Variants in CLPB observed in about 807,000 individuals in gnomAD.
The protein encoded by CLPB is mitochondrial disaggregase.
A neutral mutation model predicts 78.4 loss-of-function variants in CLPB; 40 were observed. The ratio of observed to expected loss-of-function variants is 0.51; its 90% CI spans 0.40 to 0.66. The LOEUF is 0.66. CLPB is among the 30% of genes least tolerant of loss of function. The pLI, the probability that CLPB is intolerant of heterozygous loss-of-function variation, is 0.00. For synonymous variants in CLPB, 333 were observed against 348.0 expected (o/e 0.96, Z 0.48); for missense variants, 780 against 886.9 (o/e 0.88, Z 1.53).
chr11:72,430,210 TTAGGG>T, intron 2 of CLPB, 97 bp downstream of exon 2: 1 of 1,108,580 alleles, frequency 9.0e-7, no homozygotes, highest in Non-Finnish European at 1.3e-6. Flanking sequence ...AGTTCCCAGC[TTAGGG>T]TAAGGATTTC....
chr11:72,361,229 A>G (rs1178410210), intron 4 of CLPB, among the ~76,000 whole-genome samples: 1 of 152,234 alleles, frequency 6.6e-6, no homozygotes, highest in Non-Finnish European at 1.5e-5. Flanking sequence ...TCAATGGTCA[A>G]TGAGCCTTCT....
intron 2 of CLPB, among the ~76,000 whole-genome samples, chr11:72,429,751 A>C (rs189429605): frequency 6.6e-6 from 1 of 152,246 alleles, no homozygotes; most frequent in Non-Finnish European, 1.5e-5. Flanking sequence ...CTTGCCAAAT[A>C]ATAAGCCTCA....
At chr11:72,392,528 T>C (rs1489386688) in intron 3 of CLPB, among the ~76,000 whole-genome samples, 2 of 152,134 alleles carry the variant, frequency 1.3e-5, no homozygotes, top group Non-Finnish European at 2.9e-5. Context: ...GGAAATGAAT[T>C]AAAGATTGGG....
chr11:72,330,512 C>A (rs1950205252), intron 5 of CLPB, among the ~76,000 whole-genome samples: 1 of 152,234 alleles, frequency 6.6e-6, no homozygotes, highest in Non-Finnish European at 1.5e-5. Context: ...GCTGACAAGC[C>A]TGTATCAAGT....
In CLPB at chr11:72,288,674, A is replaced by T. The variant is rs1386162925; in HGVS notation, c.*4693T>A. 1.3e-5 allele frequency: 2 copies of T among 152,296 alleles called. No individual in the cohort carries two copies. Among genetic ancestry groups the T allele is most frequent in the East Asian group, 3.9e-4 (2 of 5,182 alleles). 9.4% of individuals were successfully genotyped at this position (152,296 alleles called of 1,614,324 possible). On this transcript the variant is annotated 3_prime_UTR_variant, in exon 16 of 16. Coordinates refer to ENST00000538039, the MANE Select transcript of CLPB (RefSeq NM_001258392.3). ...AGGTCCCATCCACTCACCCAAGTAT[A>T]ATAATAAAGGAACATCTGTCATATG...
At chr11:72,354,440 T>G (rs1950669964) in intron 5 of CLPB, 1 of 398,110 alleles carries the variant, frequency 2.5e-6, no homozygotes, top group South Asian at 1.3e-4. Flanking sequence ...GGAAGATGGA[T>G]CTGCCGGTGG....
chr11:72,360,715 G>A (rs1950823145), intron 4 of CLPB, among the ~76,000 whole-genome samples: 1 of 152,130 alleles, frequency 6.6e-6, no homozygotes, highest in African/African-American at 2.4e-5. Flanking sequence ...GGGATTACAG[G>A]CGTGAGCCAC....
chr11:72,406,268 A>G (rs565083641), intron 2 of CLPB, among the ~76,000 whole-genome samples: 5 of 152,238 alleles, frequency 3.3e-5, no homozygotes, highest in African/African-American at 1.2e-4. Context: ...CCAAGGGAAC[A>G]ATGACCCATG....
chr11:72,403,834 C>T (rs531956501), intron 2 of CLPB, among the ~76,000 whole-genome samples: 21 of 152,230 alleles, frequency 1.4e-4, no homozygotes, highest in African/African-American at 4.6e-4. Flanking sequence ...TGAATTTTTG[C>T]TCCCAGGACA....
chr11:72,409,638 A>G (rs909217733), intron 2 of CLPB, among the ~76,000 whole-genome samples: 8 of 152,052 alleles, frequency 5.3e-5, no homozygotes, highest in Non-Finnish European at 1.5e-5. Context: ...ACTCTCAGGC[A>G]GTAGAGTGGG....
intron 4 of CLPB, among the ~76,000 whole-genome samples, chr11:72,368,248 A>G (rs1271590687): frequency 6.6e-6 from 1 of 152,190 alleles, no homozygotes; most frequent in African/African-American, 2.4e-5. Context: ...ATACAACAGA[A>G]CAGTAAGAAA....
chr11:72,318,994 A>T (rs766591464), intron 6 of CLPB, among the ~76,000 whole-genome samples: 1 of 152,212 alleles, frequency 6.6e-6, no homozygotes, highest in Non-Finnish European at 1.5e-5. Context: ...GCTGACTTGC[A>T]GTCGGGCAGG....
At position 72,358,939 on chromosome 11, in the gene CLPB, G is replaced by A; in HGVS notation, c.716C>T (p.Ala239Val). 2 of 1,613,084 alleles carry A rather than the reference G, an allele frequency of 1.2e-6. No homozygotes were observed. The highest frequency in any genetic ancestry group is 2.2e-5 in the East Asian group (1 of 44,814). The change falls in exon 5 of 16, where the codon GCC becomes GTC. Residue 239 changes from alanine to valine, a missense_variant. By Grantham distance (64) the Ala-to-Val change is moderately conservative. Around this residue, in one of 3 missense-constraint regions of CLPB, gnomAD observed 417 missense variants for 414.7 expected, o/e 1.01. Transcript: ENST00000538039. Reference sequence around the variant, plus strand: ...ATCAGCAAGAACAGCATAGTGCAAGGCCGTGCAGCCCTTGAAACTGGCGCG... The same window carrying A: ...ATCAGCAAGAACAGCATAGTGCAAGACCGTGCAGCCCTTGAAACTGGCGCG... ...NNRASFKGCT[A>V]LHYAVLADDY...
chr11:72,381,557 C>A (rs532860885), intron 3 of CLPB, among the ~76,000 whole-genome samples: 23 of 152,316 alleles, frequency 1.5e-4, no homozygotes, highest in African/African-American at 5.3e-4. Context: ...CAGGCCCATC[C>A]TAGCGCCAGG....
At chr11:72,362,645 T>C (rs1267389541) in intron 4 of CLPB, among the ~76,000 whole-genome samples, 1 of 152,232 alleles carries the variant, frequency 6.6e-6, no homozygotes, top group Non-Finnish European at 1.5e-5. Flanking sequence ...TTTATCTATA[T>C]GTGGAGGTAA....
Position 72,294,090 on chromosome 11 carries a change from G to C in CLPB, c.1717C>G (p.Arg573Gly). 6.2e-7 allele frequency: 1 copy of C among 1,614,150 alleles called. No individual in the cohort carries two copies. The stretch of plus-strand genomic sequence containing the variant: ...TCGACCAGCACATCTGCCACCTCGC[G>C]GTCCCAGAGCAGCGTGATGTTGTGC... ...QRHNITLLWD[R>G]EVADVLVDGY... The change falls in exon 15 of 16, where the codon CGC becomes GGC. Residue 573 changes from arginine to glycine, a missense_variant. Arg to Gly is a moderately radical substitution (Grantham distance 125). Around this residue, in one of 3 missense-constraint regions of CLPB, gnomAD observed 272 missense variants for 304.0 expected, o/e 0.89. Coordinates refer to ENST00000538039, the MANE Select transcript of CLPB (RefSeq NM_001258392.3).
intron 2 of CLPB, chr11:72,408,161 G>A: frequency 6.5e-7 from 1 of 1,535,606 alleles, no homozygotes; most frequent in Non-Finnish European, 8.7e-7. Flanking sequence ...ATTCAGCCCT[G>A]CCCAGCTTCT....
At chr11:72,347,348 T>C (rs1474639502) in intron 5 of CLPB, among the ~76,000 whole-genome samples, 1 of 152,160 alleles carries the variant, frequency 6.6e-6, no homozygotes, top group African/African-American at 2.4e-5. Flanking sequence ...CTCCAGCTAC[T>C]TGGGACCCTG....
At chr11:72,360,728 C>T (rs1027235262) in intron 4 of CLPB, among the ~76,000 whole-genome samples, 4 of 152,172 alleles carry the variant, frequency 2.6e-5, no homozygotes, top group South Asian at 2.1e-4. Flanking sequence ...TGAGCCACCG[C>T]GCCCAGCCAT....
Sources: allele counts gnomAD v4.1 joint callset (sites outside exome capture counted in the v4.1 genomes callset), GRCh38; gene constraint gnomAD v4.1.1; regional missense constraint gnomAD v4.1.1; transcripts MANE v1.5; gene names NCBI Gene and HGNC (gene_info 2026-07-23, HGNC 2026-07-21).